Variants in SERPINA5 observed in about 807,000 individuals in gnomAD.
SERPINA5 encodes plasma serine protease inhibitor.
Under a neutral mutation model 25.3 loss-of-function variants are expected in SERPINA5, and 25 were observed. The ratio of observed to expected loss-of-function variants is 0.99; its 90% confidence interval spans 0.72 to 1.38. The LOEUF (loss-of-function observed/expected upper bound fraction) is 1.38. Ranked by LOEUF, SERPINA5 falls within the 40% of genes most tolerant of loss-of-function variation. The pLI, the probability that SERPINA5 is intolerant of heterozygous loss-of-function variation, is 0.00. For synonymous variants in SERPINA5, 234 were observed against 206.2 expected (o/e 1.14, Z -1.16); for missense variants, 599 against 509.5 (o/e 1.18, Z -1.69).
intron 4 of SERPINA5, 167 bp from the exon 5 acceptor site, chr14:94,590,582 C>T (rs1566838801): frequency 1.1e-6 from 1 of 874,762 alleles, no homozygotes. Context: ...GGAGGCTCAT[C>T]CTAGAAAAGA....
At chr14:94,586,291 G>A (rs2069964) in intron 2 of SERPINA5, among the ~76,000 whole-genome samples, 17,836 of 152,190 alleles carry the variant, frequency 0.12, 1,147 homozygotes, top group Non-Finnish European at 0.15. Context: ...ATGGGCTGCT[G>A]TCACAAAGTC....
chr14:94,582,939 A>C (rs1442885176), intron 2 of SERPINA5, among the ~76,000 whole-genome samples: 2 of 152,218 alleles, frequency 1.3e-5, no homozygotes. Context: ...CCTATGCAGA[A>C]GTTGGCCTCA....
At chr14:94,585,814 A>G (rs1885062040) in intron 2 of SERPINA5, among the ~76,000 whole-genome samples, 1 of 140,682 alleles carries the variant, frequency 7.1e-6, no homozygotes, top group Non-Finnish European at 1.6e-5. Context: ...TAAAGCATGT[A>G]CCCTATGGTA....
In SERPINA5 at chr14:94,591,549, G is replaced by GTTCTGTTCTATTCTATTCTATTCTA. The variant is rs1276032029; in HGVS notation, c.1039-504_1039-503insGTTCTATTCTATTCTATTCTATTCT. 3.8e-4 allele frequency among the ~76,000 whole-genome samples: 41 copies of GTTCTGTTCTATTCTATTCTATTCTA among 108,294 alleles called. No homozygotes were observed. The East Asian group carries it at 5.2e-3, about 14-fold the overall frequency. 71.0% of individuals were successfully genotyped at this position (108,294 alleles called of 152,430 possible). A position where few individuals can be genotyped will look rare whatever the true frequency, so the allele number is the denominator to read the frequency against. On this transcript the variant is annotated intron_variant, in intron 5 of 5. Transcript: ENST00000329597. Reference sequence around the variant, plus strand: ...GCACTCCACTCCTTTATTCTGTTCTGTTCTATTCTATTCTATTCTATTCTA... The same window carrying GTTCTGTTCTATTCTATTCTATTCTA: ...GCACTCCACTCCTTTATTCTGTTCTGTTCTGTTCTATTCTATTCTATTCTATTCTATTCTATTCTATTCTATTCTA...
intron 3 of SERPINA5, among the ~76,000 whole-genome samples, chr14:94,588,676 C>T (rs1379356105): frequency 6.6e-6 from 1 of 152,140 alleles, no homozygotes; most frequent in Non-Finnish European, 1.5e-5. Flanking sequence ...GTATCTTTGG[C>T]CATTTGGGTG....
intron 2 of SERPINA5, among the ~76,000 whole-genome samples, chr14:94,585,063 T>C (rs1885030805): frequency 6.6e-6 from 1 of 152,066 alleles, no homozygotes; most frequent in Non-Finnish European, 1.5e-5. Context: ...ATCAGGAAGA[T>C]GCAGCCAGGA....
At chr14:94,586,151 G>C (rs1040871522) in intron 2 of SERPINA5, among the ~76,000 whole-genome samples, 2 of 152,150 alleles carry the variant, frequency 1.3e-5, no homozygotes, top group Non-Finnish European at 2.9e-5. Flanking sequence ...AGTGGAGGGA[G>C]GAAGAGGAGG....
chr14:94,591,013 T>A, intron 5 of SERPINA5, 117 bp downstream of exon 5: 1 of 977,036 alleles, frequency 1.0e-6, no homozygotes, highest in Non-Finnish European at 1.5e-6. Context: ...TCCACTCCAC[T>A]CCACTCCAGT....
intron 2 of SERPINA5, among the ~76,000 whole-genome samples, chr14:94,585,536 A>C (rs141776813): frequency 6.6e-6 from 1 of 152,006 alleles, no homozygotes; most frequent in African/African-American, 2.4e-5. Context: ...TTTCCCACCC[A>C]CCTGTTTGGG....
intron 4 of SERPINA5, 171 bp downstream of exon 4, chr14:94,590,482 G>T: frequency 1.1e-6 from 1 of 931,290 alleles, no homozygotes; most frequent in Non-Finnish European, 1.5e-6. Flanking sequence ...AGCCCAGTTG[G>T]AGGGACAAGA....
chr14:94,587,314 C>G lies in SERPINA5; in HGVS notation c.-17-32C>G, dbSNP rs538122079. 18 of 1,538,606 alleles carry G rather than the reference C, an allele frequency of 1.2e-5. No individual in the cohort carries two copies. The African/African-American group carries it at 1.5e-4, about 13-fold the overall frequency. Reference sequence around the variant, plus strand: ...AAGTCAGCACCTGGACCAGCTCCACCCCTCTCTGAGGACACCTTCTTTCCC... The same window carrying G: ...AAGTCAGCACCTGGACCAGCTCCACGCCTCTCTGAGGACACCTTCTTTCCC... On this transcript the variant is annotated intron_variant, in intron 2 of 5. Transcript: ENST00000329597.
At chr14:94,583,125 T>G (rs540762004) in intron 2 of SERPINA5, among the ~76,000 whole-genome samples, 1 of 152,138 alleles carries the variant, frequency 6.6e-6, no homozygotes, top group Non-Finnish European at 1.5e-5. Flanking sequence ...GCAGCCCTAG[T>G]GGGTTAGAGC....
At position 94,587,917 on chromosome 14, in the gene SERPINA5, G is replaced by C; in HGVS notation, c.555G>C (p.Val185=). 6.2e-7 allele frequency: 1 copy of C among 1,614,220 alleles called. No individual in the cohort carries two copies. The highest frequency in any genetic ancestry group is 8.5e-7 in the Non-Finnish European group (1 of 1,180,036). Residue 185 remains valine (V), a synonymous_variant, in exon 3 of 6, where the codon GTG becomes GTC. Transcript: ENST00000329597. Reference sequence around the variant, plus strand: ...CAAAGCAAACGAAGGGCAAGATTGTGGACTTGCTTAAGAACCTCGATAGCA... The same window carrying C: ...CAAAGCAAACGAAGGGCAAGATTGTCGACTTGCTTAAGAACCTCGATAGCA... ...YVAKQTKGKI[V]DLLKNLDSNA... is the part of the protein sequence containing the mutation.
intron 2 of SERPINA5, among the ~76,000 whole-genome samples, chr14:94,586,235 G>A (rs1398851893): frequency 6.6e-6 from 1 of 152,236 alleles, no homozygotes; most frequent in African/African-American, 2.4e-5. Flanking sequence ...TAGAGACAAA[G>A]ATGAGTGCCT....
At chr14:94,591,213 A>C (rs189266471) in intron 5 of SERPINA5, among the ~76,000 whole-genome samples, 3 of 98,860 alleles carry the variant, frequency 3.0e-5, no homozygotes, top group South Asian at 3.3e-4. Flanking sequence ...CCACATCTCC[A>C]CTCCACTCCT....
intron 2 of SERPINA5, among the ~76,000 whole-genome samples, chr14:94,586,270 T>C (rs1885079225): frequency 6.6e-6 from 1 of 152,170 alleles, no homozygotes; most frequent in South Asian, 2.1e-4. Flanking sequence ...TGAAAAGATG[T>C]CTTTGCCTGC....
chr14:94,589,422 T>A (rs1308612742), intron 3 of SERPINA5, among the ~76,000 whole-genome samples: 2 of 150,782 alleles, frequency 1.3e-5, no homozygotes, highest in East Asian at 3.9e-4. Flanking sequence ...CACTCCAGCA[T>A]GGGTCACAGA....
At chr14:94,588,540 C>T (rs1369249825) in intron 3 of SERPINA5, among the ~76,000 whole-genome samples, 2 of 152,170 alleles carry the variant, frequency 1.3e-5, no homozygotes, top group South Asian at 2.1e-4. Context: ...GCAGCTCCTG[C>T]CAGTTGCTGA....
Position 94,590,835 on chromosome 14 carries a change from T to C in SERPINA5, c.977T>C (p.Val326Ala), listed in dbSNP as rs1381788398. 6.2e-7 allele frequency: 1 copy of C among 1,614,022 alleles called. No individual in the cohort carries two copies. Among genetic ancestry groups the C allele is most frequent in the Non-Finnish European group, 8.5e-7 (1 of 1,179,954 alleles). Reference protein sequence around the residue: ...KVLPSLGISNVFTSHADLSGI... With the variant: ...KVLPSLGISNAFTSHADLSGI... ...CTCCCCAGTCTGGGGATCAGTAACG[T>C]CTTCACCTCCCATGCTGATCTGTCC... is the stretch of plus-strand genomic sequence containing the variant. Residue 326 changes from valine (V) to alanine (A), a missense_variant, in exon 5 of 6, where the codon GTC (valine) becomes GCC (alanine). By Grantham distance (64) the Val-to-Ala change is moderately conservative. Transcript: ENST00000329597.
Sources: gnomAD v4.1 joint callset for allele counts (sites outside exome capture counted in the v4.1 genomes callset) on GRCh38, gnomAD v4.1.1 for gene constraint, MANE v1.5 for transcripts, NCBI Gene and HGNC (gene_info 2026-07-23, HGNC 2026-07-21) for gene names.